SLC36A1: variants seen among roughly 807,000 people sequenced by gnomAD.
SLC36A1 encodes proton-coupled amino acid transporter 1.
SLC36A1 carries 30 observed loss-of-function variants against 47.5 expected under a neutral mutation model. That is an observed-to-expected ratio of 0.63 (90% CI 0.47 to 0.86). The LOEUF (loss-of-function observed/expected upper bound fraction) is 0.86. Ranked by LOEUF, SLC36A1 falls within the 40% of genes least tolerant of loss-of-function variation. The probability of loss-of-function intolerance (pLI) is 0.00; values close to 1 mark genes in which losing one functional copy is unlikely to be tolerated. For missense variants in SLC36A1, 517 were observed against 606.0 expected, an observed-to-expected ratio of 0.85 and a Z score of 1.54; for synonymous variants, 255 against 249.7, an observed-to-expected ratio of 1.02 and a Z score of -0.20.
At chr5:151,462,065 A>G (rs1026876379) in intron 2 of SLC36A1, among the ~76,000 whole-genome samples, 1 of 152,034 alleles carries the variant, frequency 6.6e-6, no homozygotes, top group Admixed American at 6.6e-5. Flanking sequence ...AAATCAGCCC[A>G]TCACCTCAAG....
chr5:151,344,661 C>A, the SLC36A1 span, among the ~76,000 whole-genome samples: 1 of 152,178 alleles, frequency 6.6e-6, no homozygotes, highest in Non-Finnish European at 1.5e-5. Context: ...AGATTTAACA[C>A]AGTGCTGCTT....
chr5:151,438,915 A>G (rs1309981800), intron 1 of SLC36A1, among the ~76,000 whole-genome samples: 1 of 152,120 alleles, frequency 6.6e-6, no homozygotes, highest in Admixed American at 6.5e-5. Flanking sequence ...CAAAAATACT[A>G]TTGATATAAT....
At chr5:151,452,212 C>T (rs1485717075) in intron 1 of SLC36A1, 1 of 152,224 alleles carries the variant, frequency 6.6e-6, no homozygotes, top group Non-Finnish European at 1.5e-5. Flanking sequence ...GAATGTTCTG[C>T]TCTGGTAAGT....
At chr5:151,477,327 A>G (rs1289455351) in intron 9 of SLC36A1, 4 of 172,082 alleles carry the variant, frequency 2.3e-5, no homozygotes, top group African/African-American at 7.1e-5. Context: ...GGTGGAGAGC[A>G]GCTGTTAGCA....
At chr5:151,427,724 C>T in the SLC36A1 span, among the ~76,000 whole-genome samples, 1 of 152,138 alleles carries the variant, frequency 6.6e-6, no homozygotes, top group African/African-American at 2.4e-5. Context: ...CCAGTGGGGA[C>T]CCCTGTGCAG....
intron 1 of SLC36A1, among the ~76,000 whole-genome samples, chr5:151,438,093 A>G (rs1215711433): frequency 6.6e-6 from 1 of 152,286 alleles, no homozygotes; most frequent in Non-Finnish European, 1.5e-5. Context: ...ACTTCATCAC[A>G]TCAGCAAAGT....
chr5:151,447,698 C>T lies in SLC36A1; in HGVS notation c.-121C>T, dbSNP rs56735363. 0.042 allele frequency: 6,431 copies of T among 152,846 alleles called. 443 individuals are homozygous for T. The highest frequency in any genetic ancestry group is 0.15 in the African/African-American group (6,075 of 41,488). 9.5% of individuals were successfully genotyped at this position (152,846 alleles called of 1,614,324 possible). ...GGCTGTGCTGAAGCCAGAGCCGGAG[C>T]CGGAGCTGGGGCCAGAACCCGAGCA... On this transcript the variant is annotated 5_prime_UTR_variant, in exon 1 of 11. Transcript: ENST00000243389.
At chr5:151,506,582 T>C in the SLC36A1 span, among the ~76,000 whole-genome samples, 1 of 152,224 alleles carries the variant, frequency 6.6e-6, no homozygotes, top group Non-Finnish European at 1.5e-5. Flanking sequence ...TACTGAATAG[T>C]TGGGTTAGTT....
At chr5:151,417,753 A>G in the SLC36A1 span, among the ~76,000 whole-genome samples, 1 of 152,250 alleles carries the variant, frequency 6.6e-6, no homozygotes, top group Non-Finnish European at 1.5e-5. Context: ...AGAAAAGAAT[A>G]ACCAGTTTTG....
At chr5:151,420,473 T>G in the SLC36A1 span, among the ~76,000 whole-genome samples, 1 of 152,154 alleles carries the variant, frequency 6.6e-6, no homozygotes, top group Admixed American at 6.5e-5. Flanking sequence ...CCAGAGACCA[T>G]GCACACTGCT....
At chr5:151,392,203 C>T in the SLC36A1 span, among the ~76,000 whole-genome samples, 1 of 152,148 alleles carries the variant, frequency 6.6e-6, no homozygotes, top group Non-Finnish European at 1.5e-5. Flanking sequence ...GGTGTTTATA[C>T]TATTCTCTGA....
At chr5:151,542,197 TC>T in the SLC36A1 span, 1 of 1,334,564 alleles carries the variant, frequency 7.5e-7, no homozygotes, top group South Asian at 1.4e-5. Context: ...AAGTGGCAAA[TC>T]CAGGACATGA....
chr5:151,368,967 C>A, the SLC36A1 span, among the ~76,000 whole-genome samples: 1 of 152,178 alleles, frequency 6.6e-6, no homozygotes, highest in Non-Finnish European at 1.5e-5. Flanking sequence ...TCAACCTTTA[C>A]CAGCTGATAC....
At chr5:151,462,613 T>G (rs1324131728) in intron 2 of SLC36A1, among the ~76,000 whole-genome samples, 1 of 152,000 alleles carries the variant, frequency 6.6e-6, no homozygotes, top group Non-Finnish European at 1.5e-5. Flanking sequence ...TCTGCCCGCC[T>G]TGGCCTCCCA....
At chr5:151,531,562 G>A in the SLC36A1 span, 20 of 1,611,294 alleles carry the variant, frequency 1.2e-5, no homozygotes, top group South Asian at 1.5e-4. This position sits in a 1 kb window ranked among gnomAD's most constrained non-coding sequence, Gnocchi z 5.7. Context: ...GCGATGCTTT[G>A]GGGCTTGGTG....
the SLC36A1 span, chr5:151,525,886 G>A: frequency 6.1e-5 from 98 of 1,614,082 alleles, no homozygotes; most frequent in Middle Eastern, 1.6e-4. Context: ...GATTCGAAAC[G>A]AGTAGGGGGG....
At chr5:151,416,464 A>G in the SLC36A1 span, among the ~76,000 whole-genome samples, 146 of 152,380 alleles carry the variant, frequency 9.6e-4, no homozygotes, top group African/African-American at 3.3e-3. Flanking sequence ...TGTATTTCTT[A>G]TACATGATTG....
the SLC36A1 span, among the ~76,000 whole-genome samples, chr5:151,348,234 G>T: frequency 1.3e-5 from 2 of 152,218 alleles, no homozygotes; most frequent in Non-Finnish European, 2.9e-5. Context: ...GCCACAGTTT[G>T]CTGGGCAAGA....
At chr5:151,509,669 C>T in the SLC36A1 span, 1 of 228,756 alleles carries the variant, frequency 4.4e-6, no homozygotes, top group Non-Finnish European at 8.7e-6. Flanking sequence ...TGCAGGAAAA[C>T]AAGCTCAGGG....
Sources: allele counts gnomAD v4.1 joint callset (sites outside exome capture counted in the v4.1 genomes callset), GRCh38; gene constraint gnomAD v4.1.1; non-coding constraint Gnocchi (gnomAD v3.1); transcripts MANE v1.5; gene names NCBI Gene and HGNC (gene_info 2026-07-23, HGNC 2026-07-21).